PIGQ: variants seen among roughly 807,000 people sequenced by gnomAD.
PIGQ encodes the protein phosphatidylinositol glycan anchor biosynthesis class Q, also known as phosphatidylinositol N-acetylglucosaminyltransferase subunit Q.
Under a neutral mutation model 60.3 loss-of-function variants are expected in PIGQ, and 54 were observed. That is an observed-to-expected ratio of 0.90 (90% CI 0.72 to 1.12). PIGQ has a LOEUF of 1.12. Ranked by LOEUF, PIGQ falls within the 50% of genes most tolerant of loss-of-function variation. The pLI is 0.00. For missense variants in PIGQ, 799 were observed against 793.5 expected, an observed-to-expected ratio of 1.01 and a Z score of -0.08; for synonymous variants, 416 against 363.7, an observed-to-expected ratio of 1.14 and a Z score of -1.64.
intron 1 of PIGQ, chr16:572,713 T>A (rs1294810078): frequency 4.8e-5 from 22 of 454,314 alleles, no homozygotes; most frequent in Non-Finnish European, 8.4e-5. Flanking sequence ...GGCGTCCCGC[T>A]CTGTTCCCTC....
intron 1 of PIGQ, among the ~76,000 whole-genome samples, chr16:573,211 C>T (rs998496503): frequency 3.3e-5 from 5 of 152,246 alleles, no homozygotes; most frequent in African/African-American, 7.2e-5. Context: ...GCTGGTGTCC[C>T]TCAGCCTGAG....
intron 2 of PIGQ, 109 bp from the exon 3 acceptor site, chr16:575,730 C>T: frequency 1.6e-6 from 2 of 1,237,640 alleles, no homozygotes; most frequent in Non-Finnish European, 2.2e-6. Flanking sequence ...GCCCCCTGTC[C>T]TGCTGAGCTC....
Position 583,947 on chromosome 16 carries a change from GGAGGGGAGCCTGCAGGTGCCGGCTGGT to G in PIGQ, c.*920_*946del, listed in dbSNP as rs1163929886. The G allele has an allele frequency of 2.3e-6, 1 of 441,628 alleles. No individual in the cohort carries two copies. Among genetic ancestry groups the G allele is most frequent in the African/African-American group, 2.0e-5 (1 of 49,944 alleles). 27.4% of individuals were successfully genotyped at this position (441,628 alleles called of 1,614,324 possible). A position where few individuals can be genotyped will look rare whatever the true frequency, so the allele number is the denominator to read the frequency against. On this transcript the variant is annotated 3_prime_UTR_variant, in exon 11 of 11. Transcript: ENST00000321878. ...TCCCTGTGAGCCCGAGTCCGCTTCA[GGAGGGGAGCCTGCAGGTGCCGGCTGGT>G]GAGGGGATGACGCGCTGTGGGTGGG...
Position 583,869 on chromosome 16 carries a change from G to T in PIGQ, c.*834G>T. ...GTGTGAGTGGCCTGGGGAGGGGGCC[G>T]TGGCACTGAGGCCGAAAGTGCCTGC... On this transcript the variant is annotated 3_prime_UTR_variant, in exon 11 of 11. Transcript: ENST00000321878. 3.4e-6 allele frequency: 2 copies of T among 595,070 alleles called. No individual in the cohort carries two copies. Among genetic ancestry groups the T allele is most frequent in the Non-Finnish European group, 6.1e-6 (2 of 329,134 alleles). The allele number at this position is 595,070 out of a possible 1,614,324, so 36.9% of individuals were successfully genotyped here. A position where few individuals can be genotyped will look rare whatever the true frequency, so the allele number is the denominator to read the frequency against.
At chr16:581,101 G>A (rs2035802982) in intron 9 of PIGQ, 129 bp downstream of exon 9, 3 of 1,392,398 alleles carry the variant, frequency 2.2e-6, no homozygotes, top group African/African-American at 2.8e-5. Context: ...GCATGCGCAA[G>A]CGGGCAGGGA....
intron 1 of PIGQ, among the ~76,000 whole-genome samples, chr16:571,229 CTG>C (rs57285833): frequency 0.015 from 65 of 4,326 alleles, 6 homozygotes; most frequent in African/African-American, 0.063. Context: ...TCTGGTTAGC[CTG>C]TGTGTGTGTG....
At chr16:576,444 C>A in intron 4 of PIGQ, 190 bp downstream of exon 4, 1 of 669,032 alleles carries the variant, frequency 1.5e-6, no homozygotes, top group Non-Finnish European at 2.5e-6. Flanking sequence ...CAGGGCAGGC[C>A]TCGCAGGTAC....
In PIGQ at chr16:581,214, G is replaced by C. The variant is rs189461061; in HGVS notation, c.1531+242G>C. 3 of 1,430,162 alleles carry C rather than the reference G, an allele frequency of 2.1e-6. No homozygotes were observed. The Admixed American group carries it at 7.9e-5, about 38-fold the overall frequency. 88.6% of individuals were successfully genotyped at this position (1,430,162 alleles called of 1,614,324 possible). A position where few individuals can be genotyped will look rare whatever the true frequency, so the allele number is the denominator to read the frequency against. ...TGCCGCGCAGGTTCAGAACCCTGGA[G>C]ACCTGAGGCCACAGGCCTTTGTTCT... On this transcript the variant is annotated intron_variant, in intron 9 of 10. Coordinates refer to ENST00000321878, the MANE Select transcript of PIGQ (RefSeq NM_004204.5).
At chr16:579,035 G>A (rs377537228) in intron 6 of PIGQ, 34 bp from the exon 7 acceptor site, 9 of 1,532,350 alleles carry the variant, frequency 5.9e-6, no homozygotes, top group Non-Finnish European at 8.1e-6. Flanking sequence ...GCGGGGCGGG[G>A]CGGGGCCGGG....
chr16:584,049 G>A lies in PIGQ; in HGVS notation c.*1014G>A. On this transcript the variant is annotated 3_prime_UTR_variant, in exon 11 of 11. Transcript: ENST00000321878. Reference sequence around the variant, plus strand: ...CACCAGGACTGCCTGGGACTCCCTGGCAACCCAGCACCGGGGAAGCCGTCA... The same window carrying A: ...CACCAGGACTGCCTGGGACTCCCTGACAACCCAGCACCGGGGAAGCCGTCA... The A allele has an allele frequency of 1.3e-5, 4 of 314,192 alleles. No individual in the cohort carries two copies. The highest frequency in any genetic ancestry group is 1.9e-5 in the Non-Finnish European group (3 of 158,814). 19.5% of individuals were successfully genotyped at this position (314,192 alleles called of 1,614,324 possible). A position where few individuals can be genotyped will look rare whatever the true frequency, so the allele number is the denominator to read the frequency against.
rs115668587 is a variant in PIGQ, at chr16:578,266, C to T, written c.943-113C>T. The T allele has an allele frequency of 1.5e-3, 1,630 of 1,116,844 alleles. 22 individuals carry two copies. The African/African-American group carries it at 0.023, about 16-fold the overall frequency. The allele number at this position is 1,116,844 out of a possible 1,614,324, so 69.2% of individuals were successfully genotyped here. ...GCTGTCCACGCTAGGACGCGGTAGA[C>T]CCTGGAGGAGGGAAGGCTGGCCAAG... On this transcript the variant is annotated intron_variant, in intron 4 of 10. Coordinates refer to ENST00000321878, the MANE Select transcript of PIGQ (RefSeq NM_004204.5).
At position 583,012 on chromosome 16, in the gene PIGQ, CAG is replaced by C. The variant is rs2035837726; in HGVS notation, c.1728_1729del (p.Asp578GlnfsTer204). ...TGGGGAGCTCATCTACCCCTGGAGGCAGAGAGGGGACAAGCAGGACTGAGGGA... is the reference window on the plus strand; with the variant it reads ...TGGGGAGCTCATCTACCCCTGGAGGCAGAGGGGACAAGCAGGACTGAGGGA... ...FLGELIYPWR[Q>X]RGDKQD On this transcript the variant is annotated frameshift_variant, in exon 11 of 11. Transcript: ENST00000321878. LOFTEE classifies it high-confidence loss of function. 2 of 1,613,126 alleles carry C rather than the reference CAG, an allele frequency of 1.2e-6. No individual in the cohort carries two copies. Among genetic ancestry groups the C allele is most frequent in the East Asian group, 2.2e-5 (1 of 44,884 alleles).
At chr16:578,990 CGGCT>C in intron 6 of PIGQ, 52 bp downstream of exon 6, 1 of 1,178,688 alleles carries the variant, frequency 8.5e-7, no homozygotes, top group Non-Finnish European at 1.1e-6. Context: ...GCAGAGGCTC[CGGCT>C]GGGCGGGCGT....
At chr16:574,842 C>T in intron 2 of PIGQ, 79 bp downstream of exon 2, 1 of 1,131,304 alleles carries the variant, frequency 8.8e-7, no homozygotes, top group Non-Finnish European at 1.2e-6. Flanking sequence ...GCAGTGGGCA[C>T]AGAGGCCCAG....
intron 1 of PIGQ, chr16:572,404 G>C (rs759070840): frequency 2.4e-6 from 1 of 417,196 alleles, no homozygotes; most frequent in Non-Finnish European, 4.8e-6. Context: ...TCCAGCCCCA[G>C]TGCGGGCTGC....
At chr16:572,518 G>C (rs1046663514) in intron 1 of PIGQ, 4 of 456,108 alleles carry the variant, frequency 8.8e-6, no homozygotes, top group African/African-American at 8.0e-5. Flanking sequence ...AGGACTTACA[G>C]GTCACACCAC....
At chr16:579,850 G>A (rs961099973) in intron 7 of PIGQ, 6 of 195,506 alleles carry the variant, frequency 3.1e-5, no homozygotes, top group African/African-American at 4.7e-5. Context: ...AGGTGCCCGG[G>A]CTCGGAGACT....
intron 4 of PIGQ, among the ~76,000 whole-genome samples, chr16:577,388 T>A (rs567802042): frequency 3.3e-5 from 5 of 151,458 alleles, no homozygotes; most frequent in South Asian, 4.2e-4. Context: ...CCATCCTGGC[T>A]AACACAGTGA....
intron 4 of PIGQ, chr16:576,858 AC>A: frequency 4.4e-6 from 1 of 227,172 alleles, no homozygotes; most frequent in Non-Finnish European, 8.5e-6. Context: ...CTCCCTCAGC[AC>A]CAAAGCCCCG....
Sources: gnomAD v4.1 joint callset for allele counts (sites outside exome capture counted in the v4.1 genomes callset) on GRCh38, gnomAD v4.1.1 for gene constraint, MANE v1.5 for transcripts, NCBI Gene and HGNC (gene_info 2026-07-23, HGNC 2026-07-21) for gene names.